BDKRB2: variants seen among roughly 807,000 people sequenced by gnomAD.
The protein encoded by BDKRB2 is B2 bradykinin receptor.
A neutral mutation model predicts 4.0 loss-of-function variants in BDKRB2; 6 were observed. The observed-to-expected ratio is 1.49, with a 90% CI of 0.81 to 2.93. The LOEUF is 2.93. Ranked by LOEUF, BDKRB2 falls within the 30% of genes most tolerant of loss-of-function variation. BDKRB2 has a pLI of 0.00. For missense variants in BDKRB2, 478 were observed against 520.1 expected, an observed-to-expected ratio of 0.92 and a Z score of 0.79; for synonymous variants, 225 against 215.3, an observed-to-expected ratio of 1.05 and a Z score of -0.40.
rs545756080 is a variant in BDKRB2, at chr14:96,205,698, G to A, written c.-40+739G>A. Reference sequence around the variant, plus strand: ...CACCCTGTGGGTGACGTTTTTGGGCGAGTTATTTTGTCCTGTCTCCTGAGC... The same window carrying A: ...CACCCTGTGGGTGACGTTTTTGGGCAAGTTATTTTGTCCTGTCTCCTGAGC... On this transcript the variant is annotated intron_variant, in intron 1 of 2. Coordinates refer to ENST00000554311, the MANE Select transcript of BDKRB2 (RefSeq NM_001379692.1). 7.0e-4 allele frequency among the ~76,000 whole-genome samples: 107 copies of A among 152,304 alleles called. 3 individuals are homozygous for A. The highest frequency in any genetic ancestry group is 3.9e-4 in the East Asian group (2 of 5,170).
intron 2 of BDKRB2, chr14:96,237,794 G>C: frequency 3.1e-6 from 4 of 1,289,756 alleles, no homozygotes; most frequent in Non-Finnish European, 4.0e-6. Flanking sequence ...TTCCAATTCC[G>C]CACTCAGCAG....
At chr14:96,220,513 AG>A (rs1890533384) in intron 1 of BDKRB2, among the ~76,000 whole-genome samples, 1 of 152,076 alleles carries the variant, frequency 6.6e-6, no homozygotes, top group Admixed American at 6.5e-5. Flanking sequence ...GAGATCATCA[AG>A]GTCTTTTTGT....
At chr14:96,217,782 A>G (rs1224440427) in intron 1 of BDKRB2, among the ~76,000 whole-genome samples, 3 of 151,222 alleles carry the variant, frequency 2.0e-5, no homozygotes, top group Non-Finnish European at 4.4e-5. Context: ...CCCAGGCTCT[A>G]AGGAGGCGGC....
At position 96,244,121 on chromosome 14, in the gene BDKRB2, T is replaced by C; in HGVS notation, c.*2617T>C. On this transcript the variant is annotated 3_prime_UTR_variant, in exon 3 of 3. Transcript: ENST00000554311. ...TCCAAACGAGAAAATCATGTAAACA[T>C]GTGTCTTTTCTGTAGAGCATAATAA... 2.5e-6 allele frequency: 1 copy of C among 398,602 alleles called. No individual in the cohort carries two copies. Among genetic ancestry groups the C allele is most frequent in the Non-Finnish European group, 4.4e-6 (1 of 226,056 alleles). The allele number at this position is 398,602 out of a possible 1,614,324, so 24.7% of individuals were successfully genotyped here. A position where few individuals can be genotyped will look rare whatever the true frequency, so the allele number is the denominator to read the frequency against.
In BDKRB2 at chr14:96,241,392, G is replaced by T; in HGVS notation, c.1064G>T (p.Gly355Val). 1 of 1,612,658 alleles carries T rather than the reference G, an allele frequency of 6.2e-7. No homozygotes were observed. Among genetic ancestry groups the T allele is most frequent in the Non-Finnish European group, 8.5e-7 (1 of 1,179,962 alleles). Residue 355 changes from glycine to valine, a missense_variant, in exon 3 of 3, where the codon GGC (glycine) becomes GTC (valine). By Grantham distance (109) the Gly-to-Val change is moderately radical. Transcript: ENST00000554311. ...EVYQGVCQKG[G>V]CRSEPIQMEN... ...TACCAGGGAGTGTGCCAGAAAGGGGGCTGCAGGTCAGAACCCATTCAGATG... is the reference window on the plus strand; with the variant it reads ...TACCAGGGAGTGTGCCAGAAAGGGGTCTGCAGGTCAGAACCCATTCAGATG...
intron 1 of BDKRB2, among the ~76,000 whole-genome samples, chr14:96,222,564 C>T (rs1033031101): frequency 1.3e-5 from 2 of 151,888 alleles, no homozygotes; most frequent in Admixed American, 6.6e-5. Context: ...GAACTGGTGT[C>T]AAAGACCAAA....
At chr14:96,208,712 A>T (rs923237648) in intron 1 of BDKRB2, among the ~76,000 whole-genome samples, 1 of 152,250 alleles carries the variant, frequency 6.6e-6, no homozygotes, top group South Asian at 2.1e-4. Context: ...CGACATGCAC[A>T]CACTCCTGTG....
At position 96,241,450 on chromosome 14, in the gene BDKRB2, C is replaced by T; in HGVS notation, c.1122C>T (p.Ile374=). The T allele has an allele frequency of 3.2e-6, 5 of 1,583,388 alleles. No homozygotes were observed. The highest frequency in any genetic ancestry group is 4.3e-6 in the Non-Finnish European group (5 of 1,171,088). Residue 374 remains isoleucine (I), a synonymous_variant, in exon 3 of 3, where the codon ATC becomes ATT. Coordinates refer to ENST00000554311, the MANE Select transcript of BDKRB2 (RefSeq NM_001379692.1). ...ENSMGTLRTS[I]SVERQIHKLQ... ...CCATGGGCACACTGCGGACCTCCAT[C>T]TCCGTGGAACGCCAGATTCACAAAC...
chr14:96,221,021 G>C (rs374490270), intron 1 of BDKRB2, among the ~76,000 whole-genome samples: 1 of 152,112 alleles, frequency 6.6e-6, no homozygotes, highest in South Asian at 2.1e-4. Flanking sequence ...ATGCAGTGAG[G>C]TGCCGGGGTT....
intron 1 of BDKRB2, among the ~76,000 whole-genome samples, chr14:96,221,542 G>A (rs1890561198): frequency 6.6e-6 from 1 of 152,090 alleles, no homozygotes; most frequent in Non-Finnish European, 1.5e-5. Flanking sequence ...GAACCAGTGT[G>A]GTTGAGTAGA....
chr14:96,241,041 G>A lies in BDKRB2; in HGVS notation c.713G>A (p.Ser238Asn), dbSNP rs202072945. The change falls in exon 3 of 3, where the codon AGT becomes AAT. Residue 238 changes from serine (S) to asparagine (N), a missense_variant. Coordinates refer to ENST00000554311, the MANE Select transcript of BDKRB2 (RefSeq NM_001379692.1). ...GTCGTGGGCTTCCTGCTGCCCCTGA[G>A]TGTCATCACCTTCTGCACGATGCAG... is the stretch of plus-strand genomic sequence containing the variant. ...LNVVGFLLPLSVITFCTMQIM... is the reference protein window; with the variant it reads ...LNVVGFLLPLNVITFCTMQIM... The A allele has an allele frequency of 9.3e-6, 15 of 1,610,648 alleles. No individual in the cohort carries two copies. The highest frequency in any genetic ancestry group is 1.3e-5 in the Non-Finnish European group (15 of 1,177,122).
At position 96,241,240 on chromosome 14, in the gene BDKRB2, C is replaced by T. The variant is rs1459103388; in HGVS notation, c.912C>T (p.Cys304=). The T allele has an allele frequency of 1.2e-6, 2 of 1,612,848 alleles. No homozygotes were observed. Among genetic ancestry groups the T allele is most frequent in the Non-Finnish European group, 1.7e-6 (2 of 1,179,098 alleles). Reference sequence around the variant, plus strand: ...ATCGCCTCGGCATCCTCTCCAGCTGCCAGGACGAGCGCATCATCGATGTAA... The same window carrying T: ...ATCGCCTCGGCATCCTCTCCAGCTGTCAGGACGAGCGCATCATCGATGTAA... ...TLHRLGILSS[C]QDERIIDVIT... is the part of the protein sequence containing the mutation. Residue 304 remains cysteine (C), a synonymous_variant, in exon 3 of 3, where the codon TGC becomes TGT. Coordinates refer to ENST00000554311, the MANE Select transcript of BDKRB2 (RefSeq NM_001379692.1).
intron 1 of BDKRB2, among the ~76,000 whole-genome samples, chr14:96,209,204 A>G (rs1890250850): frequency 6.6e-6 from 1 of 152,240 alleles, no homozygotes; most frequent in African/African-American, 2.4e-5. Context: ...GAAATGACAG[A>G]CTGCGGCAAA....
chr14:96,241,143 T>C lies in BDKRB2; in HGVS notation c.815T>C (p.Val272Ala). 6.2e-7 allele frequency: 1 copy of C among 1,611,542 alleles called. No homozygotes were observed. The highest frequency in any genetic ancestry group is 8.5e-7 in the Non-Finnish European group (1 of 1,178,714). The change falls in exon 3 of 3, where the codon GTC becomes GCC. Residue 272 changes from valine to alanine, a missense_variant. Physicochemically the swap from Val to Ala is moderately conservative, Grantham distance 64 (BLOSUM62 0). Transcript: ENST00000554311. ...ACAGAGAGGAGGGCCACGGTGCTAG[T>C]CCTGGTTGTGCTGCTGCTATTCATC... The part of the protein sequence containing the change: ...IQTERRATVL[V>A]LVVLLLFIIC...
chr14:96,218,573 G>A (rs1890480879), intron 1 of BDKRB2, among the ~76,000 whole-genome samples: 1 of 152,142 alleles, frequency 6.6e-6, no homozygotes, highest in African/African-American at 2.4e-5. Context: ...GCCCTGCTCT[G>A]CCACTGACTC....
intron 1 of BDKRB2, among the ~76,000 whole-genome samples, chr14:96,210,087 T>C (rs1462655657): frequency 6.6e-6 from 1 of 152,188 alleles, no homozygotes. Context: ...AGCAGAGGGA[T>C]GACTTTGGGT....
intron 1 of BDKRB2, among the ~76,000 whole-genome samples, chr14:96,220,986 C>T (rs1890547243): frequency 3.3e-5 from 5 of 152,052 alleles, no homozygotes; most frequent in Admixed American, 3.3e-4. Flanking sequence ...TCCTTCACCA[C>T]TATATCCCCC....
chr14:96,238,418 CCT>C, intron 2 of BDKRB2: 1 of 974,278 alleles, frequency 1.0e-6, no homozygotes. Flanking sequence ...GCAGATTCCT[CCT>C]TTTGAAATGA....
At chr14:96,240,086 G>A in intron 2 of BDKRB2, 1 of 1,087,318 alleles carries the variant, frequency 9.2e-7, no homozygotes, top group Non-Finnish European at 1.1e-6. Flanking sequence ...TCCCATCACG[G>A]AAGCTTCAAG....
Sources: allele counts gnomAD v4.1 joint callset (sites outside exome capture counted in the v4.1 genomes callset), GRCh38; gene constraint gnomAD v4.1.1; transcripts MANE v1.5; gene names NCBI Gene and HGNC (gene_info 2026-07-23, HGNC 2026-07-21).